Variants in KLHL22 observed in about 807,000 individuals in gnomAD.
KLHL22 encodes kelch-like protein 22.
A neutral mutation model predicts 60.7 loss-of-function variants in KLHL22; 18 were observed. That is an observed-to-expected ratio of 0.30 (90% CI 0.20 to 0.44). The LOEUF (loss-of-function observed/expected upper bound fraction) is 0.44. Ranked by LOEUF, KLHL22 falls within the 20% of genes least tolerant of loss-of-function variation. The pLI is 1.00. For missense variants in KLHL22, 596 were observed against 852.3 expected (o/e 0.70, Z 3.74); for synonymous variants, 355 against 354.5 (o/e 1.00, Z -0.01).
chr22:20,482,525 T>C (rs1964161133), intron 2 of KLHL22, among the ~76,000 whole-genome samples: 1 of 152,066 alleles, frequency 6.6e-6, no homozygotes, highest in South Asian at 2.1e-4. Flanking sequence ...CCCCAGAAGC[T>C]GAGACTACAG....
chr22:20,484,159 AT>A, intron 2 of KLHL22: 1 of 597,484 alleles, frequency 1.7e-6, no homozygotes, highest in Non-Finnish European at 3.2e-6. Context: ...TGATGACCTA[AT>A]TTTTGTATTT....
chr22:20,474,124 CA>C (rs1251598901), intron 2 of KLHL22, among the ~76,000 whole-genome samples: 1 of 152,092 alleles, frequency 6.6e-6, no homozygotes, highest in Non-Finnish European at 1.5e-5. Context: ...CTTGGCCTCC[CA>C]AGTAGCTGGG....
intron 3 of KLHL22, among the ~76,000 whole-genome samples, chr22:20,467,191 C>T (rs1170356789): frequency 2.0e-5 from 3 of 152,218 alleles, no homozygotes; most frequent in Admixed American, 6.5e-5. Flanking sequence ...GTTCTCCCAG[C>T]AGGCTTGAAC....
intron 4 of KLHL22, 139 bp downstream of exon 4, chr22:20,464,719 T>G: frequency 1.6e-6 from 1 of 616,212 alleles, no homozygotes; most frequent in Non-Finnish European, 2.9e-6. Flanking sequence ...CTTCTCTGAA[T>G]TCACCTAGAC....
At chr22:20,482,579 C>CTT (rs965182249) in intron 2 of KLHL22, among the ~76,000 whole-genome samples, 4 of 145,946 alleles carry the variant, frequency 2.7e-5, no homozygotes, top group African/African-American at 7.5e-5. Flanking sequence ...GTTTGTTTTT[C>CTT]TTTTTTTTTT....
chr22:20,470,999 T>A (rs1358069335), intron 3 of KLHL22, among the ~76,000 whole-genome samples: 1 of 152,232 alleles, frequency 6.6e-6, no homozygotes, highest in Non-Finnish European at 1.5e-5. Flanking sequence ...TGCTGGTGGA[T>A]GCTCCCCATT....
At chr22:20,451,233 T>C in intron 5 of KLHL22, 1 of 1,602,100 alleles carries the variant, frequency 6.2e-7, no homozygotes, top group Non-Finnish European at 8.6e-7. Context: ...GAGGTCTTGC[T>C]GGAGCCACCA....
intron 3 of KLHL22, among the ~76,000 whole-genome samples, chr22:20,468,385 A>G (rs1431995333): frequency 2.6e-5 from 4 of 152,166 alleles, no homozygotes; most frequent in Non-Finnish European, 5.9e-5. Context: ...TCACAGAGGA[A>G]CCAGCCTGGG....
At position 20,495,362 on chromosome 22, in the gene KLHL22, A is replaced by C. The variant is rs1300327900; in HGVS notation, c.-34+398T>G. Among the ~76,000 whole-genome samples, 3 of 151,998 alleles carry C rather than the reference A, an allele frequency of 2.0e-5. No individual in the cohort carries two copies. Among genetic ancestry groups the C allele is most frequent in the Non-Finnish European group, 4.4e-5 (3 of 67,940 alleles). On this transcript the variant is annotated intron_variant, in intron 1 of 6. Transcript: ENST00000328879. This position sits in a 1 kb window ranked among gnomAD's most constrained non-coding sequence, Gnocchi z 4.6. The stretch of plus-strand genomic sequence containing the variant: ...AACTGAGGCTCGTCAGGCCGGCCCC[A>C]AATCGCCCGCCTGTTGCAAGGCCGC...
chr22:20,446,429 C>A lies in KLHL22; in HGVS notation c.1539+14G>T. The A allele has an allele frequency of 6.7e-7, 1 of 1,502,424 alleles. No individual in the cohort carries two copies. The highest frequency in any genetic ancestry group is 9.2e-7 in the Non-Finnish European group (1 of 1,088,014). 93.1% of individuals were successfully genotyped at this position (1,502,424 alleles called of 1,614,324 possible). A position where few individuals can be genotyped will look rare whatever the true frequency, so the allele number is the denominator to read the frequency against. ...GAATGATGACGGGTGTGGACTGCCC[C>A]GGGCCCCACTCACCTGGTGCACGTC... is the stretch of plus-strand genomic sequence containing the variant. On this transcript the variant is annotated intron_variant, in intron 6 of 6. Transcript: ENST00000328879.
chr22:20,483,914 G>A (rs2053545553), intron 2 of KLHL22: 19 of 679,980 alleles, frequency 2.8e-5, no homozygotes, highest in South Asian at 1.4e-4. Flanking sequence ...CCATCCCCGC[G>A]GCCAGGCCCC....
At chr22:20,481,149 A>C (rs1250732780) in intron 2 of KLHL22, 1 of 152,042 alleles carries the variant, frequency 6.6e-6, no homozygotes, top group Non-Finnish European at 1.5e-5. Flanking sequence ...ACATTTCTTT[A>C]AGACGTTTGG....
intron 5 of KLHL22, among the ~76,000 whole-genome samples, chr22:20,452,087 T>C (rs995602090): frequency 1.3e-5 from 2 of 151,934 alleles, no homozygotes; most frequent in African/African-American, 4.8e-5. Context: ...CCCACTACTT[T>C]GGGGAGCACT....
intron 3 of KLHL22, among the ~76,000 whole-genome samples, chr22:20,470,680 GTGGATGGATGGATGGA>G (rs538204093): frequency 1.3e-5 from 2 of 149,498 alleles, no homozygotes; most frequent in Admixed American, 6.7e-5. Flanking sequence ...GGATGGATGG[GTGGATGGATGGATGGA>G]TGGATGGATG....
At chr22:20,461,349 CAA>C (rs2053151623) in intron 4 of KLHL22, among the ~76,000 whole-genome samples, 2 of 151,570 alleles carry the variant, frequency 1.3e-5, no homozygotes, top group Non-Finnish European at 2.9e-5. Flanking sequence ...GTCAGGAGAT[CAA>C]GACCATCCTG....
Position 20,441,790 on chromosome 22 carries a change from G to C in KLHL22, c.*283C>G. The C allele has an allele frequency of 2.9e-6, 1 of 343,042 alleles. No homozygotes were observed. Among genetic ancestry groups the C allele is most frequent in the Non-Finnish European group, 5.3e-6 (1 of 188,282 alleles). The allele number at this position is 343,042 out of a possible 1,614,324, so 21.2% of individuals were successfully genotyped here. A position where few individuals can be genotyped will look rare whatever the true frequency, so the allele number is the denominator to read the frequency against. On this transcript the variant is annotated 3_prime_UTR_variant, in exon 7 of 7. Transcript: ENST00000328879. Reference sequence around the variant, plus strand: ...TTGGAGAAGGACTGATCTAGGCAGGGAGGAGAGAAGGCCAACCCCTCCAGG... The same window carrying C: ...TTGGAGAAGGACTGATCTAGGCAGGCAGGAGAGAAGGCCAACCCCTCCAGG...
In KLHL22 at chr22:20,457,902, A is replaced by G; in HGVS notation, c.1211T>C (p.Val404Ala). 1.2e-6 allele frequency: 2 copies of G among 1,613,788 alleles called. No individual in the cohort carries two copies. Among genetic ancestry groups the G allele is most frequent in the African/African-American group, 1.3e-5 (1 of 75,026 alleles). The stretch of plus-strand genomic sequence containing the variant: ...GTCATTGTGGTAGTCACGGCCCGCC[A>G]CAGCGTAGATGTACCTGCCTACAAC... The part of the protein sequence containing the change: ...VCVVGRYIYA[V>A]AGRDYHNDLN... The change falls in exon 5 of 7, where the codon GTG (valine) becomes GCG (alanine). Residue 404 changes from valine (V) to alanine (A), a missense_variant. Transcript: ENST00000328879.
At position 20,442,411 on chromosome 22, in the gene KLHL22, G is replaced by C; in HGVS notation, c.1567C>G (p.Gln523Glu). The change falls in exon 7 of 7, where the codon CAG becomes GAG. Residue 523 changes from glutamine (Q) to glutamate (E), a missense_variant. Physicochemically the swap from Gln to Glu is conservative, Grantham distance 29. Coordinates refer to ENST00000328879, the MANE Select transcript of KLHL22 (RefSeq NM_032775.4). ...QVACYSCTSGQWSSVCPLPAG... is the reference protein window; with the variant it reads ...QVACYSCTSGEWSSVCPLPAG... ...GGGAGTGGGCAGACAGATGACCACT[G>C]TCCAGACGTGCAGCTGTAGCAGGCC... 1 of 1,604,794 alleles carries C rather than the reference G, an allele frequency of 6.2e-7. No homozygotes were observed. The highest frequency in any genetic ancestry group is 8.5e-7 in the Non-Finnish European group (1 of 1,173,934).
At chr22:20,488,700 GGAGGAAAGAAAA>G in intron 2 of KLHL22, 2 of 336,860 alleles carry the variant, frequency 5.9e-6, no homozygotes, top group Non-Finnish European at 1.1e-5. Flanking sequence ...AGGAGAGAAA[GGAGGAAAGAAAA>G]GAGAAAAGAA....
Sources: gnomAD v4.1 joint callset for allele counts (sites outside exome capture counted in the v4.1 genomes callset) on GRCh38, gnomAD v4.1.1 for gene constraint, Gnocchi (gnomAD v3.1) non-coding constraint, MANE v1.5 for transcripts, NCBI Gene and HGNC (gene_info 2026-07-23, HGNC 2026-07-21) for gene names.